PRKN: variants seen among roughly 807,000 people sequenced by gnomAD.
PRKN encodes parkin RBR E3 ubiquitin protein ligase.
Under a neutral mutation model 59.5 loss-of-function variants are expected in PRKN, and 56 were observed. The observed-to-expected ratio is 0.94, with a 90% confidence interval of 0.76 to 1.18. The LOEUF is 1.18. Among genes scored for constraint, PRKN ranks in the 50% most tolerant of loss-of-function variants. The probability of loss-of-function intolerance (pLI) is 0.00; values close to 1 mark genes in which losing one functional copy is unlikely to be tolerated. For missense variants in PRKN, 657 were observed against 596.4 expected (o/e 1.10, Z -1.06); for synonymous variants, 250 against 222.1 (o/e 1.13, Z -1.12).
intron 1 of PRKN, among the ~76,000 whole-genome samples, chr6:162,621,122 C>T (rs539583606): frequency 1.3e-5 from 2 of 152,232 alleles, no homozygotes; most frequent in East Asian, 1.9e-4. Flanking sequence ...TGATCCAGCC[C>T]GCTTGCCAGA....
At chr6:161,477,510 CAAA>C (rs55713712) in intron 9 of PRKN, among the ~76,000 whole-genome samples, 33 of 124,296 alleles carry the variant, frequency 2.7e-4, no homozygotes, top group South Asian at 1.4e-3. Flanking sequence ...AACTCCATCT[CAAA>C]AAAAAAAAAA....
intron 4 of PRKN, among the ~76,000 whole-genome samples, chr6:162,086,624 T>C (rs1356970973): frequency 3.7e-4 from 57 of 152,198 alleles, no homozygotes; most frequent in Admixed American, 3.7e-3. Context: ...GGACAAAGAT[T>C]AGCATCTCAA....
chr6:162,472,819 T>TATATATATACATATATATATATATATATA (rs1791826344), intron 1 of PRKN, among the ~76,000 whole-genome samples: 1 of 144,966 alleles, frequency 6.9e-6, no homozygotes, highest in East Asian at 2.3e-4. Flanking sequence ...TATATATATC[T>TATATATATACATATATATATATATATATA]TAGTAGAAGT....
chr6:162,168,469 A>G (rs1783092338), intron 4 of PRKN, among the ~76,000 whole-genome samples: 1 of 149,866 alleles, frequency 6.7e-6, no homozygotes, highest in African/African-American at 2.5e-5. Context: ...TTATGCATGG[A>G]ACTTGTCTAT....
At chr6:162,558,905 G>C (rs1410773781) in intron 1 of PRKN, among the ~76,000 whole-genome samples, 1 of 152,038 alleles carries the variant, frequency 6.6e-6, no homozygotes, top group East Asian at 1.9e-4. Context: ...GCCTCCCGAA[G>C]TGCTAGGATT....
At chr6:161,719,880 C>A (rs1197718049) in intron 7 of PRKN, among the ~76,000 whole-genome samples, 1 of 152,238 alleles carries the variant, frequency 6.6e-6, no homozygotes, top group Admixed American at 6.5e-5. Context: ...GATCCTCCAG[C>A]CTTGGCCTCC....
Position 162,054,015 on chromosome 6 carries a change from C to T in PRKN, c.618+76G>A, listed in dbSNP as rs776248562. ...GAAGAACAGTCAGTTGACATTTTGT[C>T]TCTAATTTCCTGGCAAACAGTGAAG... is the stretch of plus-strand genomic sequence containing the variant. On this transcript the variant is annotated intron_variant, in intron 5 of 11. Coordinates refer to ENST00000366898, the MANE Select transcript of PRKN (RefSeq NM_004562.3). The T allele has an allele frequency of 5.3e-5, 51 of 954,986 alleles. No individual in the cohort carries two copies. In the Middle Eastern group the frequency reaches 1.7e-3, roughly 31 times the overall value. 59.2% of individuals were successfully genotyped at this position (954,986 alleles called of 1,614,324 possible). A position where few individuals can be genotyped will look rare whatever the true frequency, so the allele number is the denominator to read the frequency against.
At chr6:161,873,987 TG>T (rs1562353459) in intron 6 of PRKN, among the ~76,000 whole-genome samples, 4,782 of 97,018 alleles carry the variant, frequency 0.049, 1,469 homozygotes, top group Non-Finnish European at 0.07. Context: ...AAAATATATA[TG>T]TAAAATATAA....
intron 6 of PRKN, among the ~76,000 whole-genome samples, chr6:161,961,616 C>T (rs1034808614): frequency 3.3e-5 from 5 of 152,164 alleles, no homozygotes; most frequent in South Asian, 2.1e-4. Flanking sequence ...AGCCCGGTTC[C>T]GTCACACCTT....
At chr6:161,617,324 GA>G (rs1218533851) in intron 7 of PRKN, among the ~76,000 whole-genome samples, 16 of 152,208 alleles carry the variant, frequency 1.1e-4, no homozygotes, top group Non-Finnish European at 2.1e-4. Context: ...CAGATGGATA[GA>G]GTGCAAAAAT....
At chr6:162,281,060 T>C (rs56247201) in intron 2 of PRKN, among the ~76,000 whole-genome samples, 4,829 of 152,108 alleles carry the variant, frequency 0.032, 245 homozygotes, top group African/African-American at 0.11. Context: ...TGCCATAAAA[T>C]ACAACTCAGC....
chr6:162,365,135 C>T (rs1294587296), intron 2 of PRKN, among the ~76,000 whole-genome samples: 1 of 151,250 alleles, frequency 6.6e-6, no homozygotes, highest in Non-Finnish European at 1.5e-5. Context: ...AAAATAAATC[C>T]ATAATTTAAA....
At chr6:162,725,123 T>C (rs1404191323) in intron 1 of PRKN, among the ~76,000 whole-genome samples, 9 of 152,220 alleles carry the variant, frequency 5.9e-5, no homozygotes, top group African/African-American at 9.6e-5. Flanking sequence ...CAGCTGGGCC[T>C]GAGTACACTC....
At chr6:162,396,372 C>G (rs996674437) in intron 2 of PRKN, among the ~76,000 whole-genome samples, 2 of 152,134 alleles carry the variant, frequency 1.3e-5, no homozygotes, top group Non-Finnish European at 2.9e-5. Flanking sequence ...CATAGAATAT[C>G]GAGCCAGCTA....
intron 6 of PRKN, among the ~76,000 whole-genome samples, chr6:161,900,657 CAT>C (rs1478618541): frequency 7.0e-5 from 9 of 128,564 alleles, no homozygotes; most frequent in South Asian, 2.2e-4. Context: ...TTATATATAA[CAT>C]ATATTATATA....
chr6:161,695,921 C>A (rs1404274834), intron 7 of PRKN, among the ~76,000 whole-genome samples: 1 of 152,216 alleles, frequency 6.6e-6, no homozygotes, highest in Non-Finnish European at 1.5e-5. Flanking sequence ...AAATACTTTT[C>A]TGATTACATA....
chr6:162,372,235 G>A (rs573576327), intron 2 of PRKN, among the ~76,000 whole-genome samples: 4 of 152,320 alleles, frequency 2.6e-5, no homozygotes, highest in East Asian at 1.9e-4. Context: ...GAGATTTGAC[G>A]GAAGTCAGTG....
In PRKN at chr6:161,923,355, C is replaced by T. The variant is rs765549471; in HGVS notation, c.734+49947G>A. ...AAAATTAACTGGGCATGGTGGCACA[C>T]GCCTGTAGTCCCAGCTACCAGGGAG... On this transcript the variant is annotated intron_variant, in intron 6 of 11. Transcript: ENST00000366898. 3.9e-5 allele frequency among the ~76,000 whole-genome samples: 6 copies of T among 152,192 alleles called. No individual in the cohort carries two copies. The South Asian group carries it at 6.2e-4, about 16-fold the overall frequency.
At chr6:161,840,934 T>C (rs1792960014) in intron 6 of PRKN, among the ~76,000 whole-genome samples, 1 of 151,998 alleles carries the variant, frequency 6.6e-6, no homozygotes, top group Admixed American at 6.6e-5. Context: ...CTGGTGAGAC[T>C]ATGGAGAAAA....
Sources: gnomAD v4.1 joint callset for allele counts (sites outside exome capture counted in the v4.1 genomes callset) on GRCh38, gnomAD v4.1.1 for gene constraint, MANE v1.5 for transcripts, NCBI Gene and HGNC (gene_info 2026-07-23, HGNC 2026-07-21) for gene names.